The following RCC1L variants were observed in gnomAD, a reference collection of about 807,000 sequenced individuals.
The protein encoded by RCC1L is RCC1 like.
A neutral mutation model predicts 58.6 loss-of-function variants in RCC1L; 46 were observed. The ratio of observed to expected loss-of-function variants is 0.79; its 90% confidence interval spans 0.62 to 1.00. The LOEUF (loss-of-function observed/expected upper bound fraction) is 1.00, where lower values mean the gene tolerates loss of function less well. Ranked by LOEUF, RCC1L falls within the 50% of genes least tolerant of loss-of-function variation. The pLI is 0.00. For synonymous variants in RCC1L, 281 were observed against 262.9 expected (o/e 1.07, Z -0.67); for missense variants, 636 against 623.6 (o/e 1.02, Z -0.21).
chr7:75,071,354 T>A (rs1806721072), intron 1 of RCC1L, among the ~76,000 whole-genome samples: 1 of 152,026 alleles, frequency 6.6e-6, no homozygotes, highest in Non-Finnish European at 1.5e-5. Flanking sequence ...CAAGACACTA[T>A]CTAGCAGCAG....
chr7:75,029,814 C>T (rs1785308224), intron 10 of RCC1L, among the ~76,000 whole-genome samples: 1 of 152,108 alleles, frequency 6.6e-6, no homozygotes, highest in African/African-American at 2.4e-5. Context: ...AGAGAAAAGA[C>T]ATTGGCTTTG....
rs1001834634 is a variant in RCC1L at position 75,064,655 on chromosome 7, A to G, written c.584-7T>C. On this transcript the variant is annotated splice_polypyrimidine_tract_variant and splice_region_variant and intron_variant, in intron 3 of 10. Coordinates refer to ENST00000610322, the MANE Select transcript of RCC1L (RefSeq NM_030798.5). ...TTGTTTCCCATGCTGAAGACTAAAA[A>G]TAACACCACCAATCAAATCAGTTCT... 5 of 1,613,722 alleles carry G rather than the reference A, an allele frequency of 3.1e-6. No homozygotes were observed. The highest frequency in any genetic ancestry group is 3.4e-6 in the Non-Finnish European group (4 of 1,179,748).
At chr7:75,034,215 GAGAA>G (rs1458313463) in intron 10 of RCC1L, among the ~76,000 whole-genome samples, 3 of 152,134 alleles carry the variant, frequency 2.0e-5, no homozygotes, top group Non-Finnish European at 4.4e-5. Flanking sequence ...GAGGACAGCC[GAGAA>G]AGAAAGGTGA....
intron 10 of RCC1L, chr7:75,028,209 T>C: frequency 2.3e-6 from 2 of 854,168 alleles, no homozygotes; most frequent in Non-Finnish European, 3.5e-6. Flanking sequence ...CAACCTCCAC[T>C]TCCTGGGTTC....
Position 75,042,311 on chromosome 7 carries a change from C to G in RCC1L, c.*721G>C. The G allele has an allele frequency of 1.0e-6, 1 of 985,524 alleles. No homozygotes were observed. The highest frequency in any genetic ancestry group is 1.2e-6 in the Non-Finnish European group (1 of 829,960). The allele number at this position is 985,524 out of a possible 1,614,324, so 61.0% of individuals were successfully genotyped here. On this transcript the variant is annotated 3_prime_UTR_variant, in exon 11 of 11. Transcript: ENST00000610322. Reference sequence around the variant, plus strand: ...CAATTTCTGGATCTTCCTCCTCCGCCTGGCACTGCAGCTGAGCCTTGGCGG... The same window carrying G: ...CAATTTCTGGATCTTCCTCCTCCGCGTGGCACTGCAGCTGAGCCTTGGCGG...
At chr7:75,028,697 C>A (rs1367957265) in intron 10 of RCC1L, among the ~76,000 whole-genome samples, 5 of 152,162 alleles carry the variant, frequency 3.3e-5, no homozygotes, top group African/African-American at 1.2e-4. Flanking sequence ...TCGTCCTAAC[C>A]CAGCAAAGAT....
exon 11 of RCC1L, chr7:75,028,024 G>A (rs1805186185): frequency 2.4e-5 from 37 of 1,534,940 alleles, no homozygotes; most frequent in South Asian, 1.8e-4. Context: ...TCCATCCCCC[G>A]GAGGTAATCA....
At chr7:75,037,551 C>T (rs1397382698), downstream of RCC1L, among the ~76,000 whole-genome samples, 15 of 145,928 alleles carry the variant, frequency 1.0e-4, no homozygotes, top group Non-Finnish European at 6.0e-5. Flanking sequence ...GTCTCCCAGG[C>T]TGGAGTGCAG....
intron 3 of RCC1L, among the ~76,000 whole-genome samples, chr7:75,066,403 G>A (rs1225084637): frequency 2.7e-5 from 4 of 150,780 alleles, no homozygotes; most frequent in African/African-American, 9.8e-5. Flanking sequence ...GCAGTGAGCC[G>A]AGATTACACC....
At chr7:75,054,861 T>C (rs1806025440) in intron 9 of RCC1L, among the ~76,000 whole-genome samples, 1 of 152,236 alleles carries the variant, frequency 6.6e-6, no homozygotes. Flanking sequence ...CCAGGAATTC[T>C]CTGGCTTAGT....
At chr7:75,072,153 TAC>T (rs1489312305) in intron 1 of RCC1L, among the ~76,000 whole-genome samples, 14 of 54,288 alleles carry the variant, frequency 2.6e-4, no homozygotes, top group Admixed American at 7.8e-4. Context: ...CATATACATA[TAC>T]ATATACATAT....
At chr7:75,067,373 A>T (rs1554445317) in intron 2 of RCC1L, among the ~76,000 whole-genome samples, 1 of 152,036 alleles carries the variant, frequency 6.6e-6, no homozygotes, top group African/African-American at 2.4e-5. Context: ...TCATGCCTGT[A>T]ATCCCAGCGC....
At chr7:75,048,665 G>C (rs1370086298) in intron 10 of RCC1L, among the ~76,000 whole-genome samples, 6 of 152,234 alleles carry the variant, frequency 3.9e-5, no homozygotes, top group African/African-American at 1.4e-4. Context: ...GGCGCTCCCT[G>C]GGGGATGAGG....
At chr7:75,036,605 C>T (rs1805435080) in intron 10 of RCC1L, among the ~76,000 whole-genome samples, 2 of 152,076 alleles carry the variant, frequency 1.3e-5, no homozygotes, top group East Asian at 1.9e-4. Context: ...CAATATTTTT[C>T]TCCCGGGGCC....
Position 75,042,904 on chromosome 7 carries a change from C to A in RCC1L, c.*128G>T, listed in dbSNP as rs1416048999. ...ACCCGCTAAGGGATTCAGGACAGAG[C>A]GTCACACTGCACGCAGGGTCCTCCG... On this transcript the variant is annotated 3_prime_UTR_variant, in exon 11 of 11. Transcript: ENST00000610322. The A allele has an allele frequency of 1.3e-5, 20 of 1,535,450 alleles. No homozygotes were observed. Among genetic ancestry groups the A allele is most frequent in the Admixed American group, 2.0e-5 (1 of 49,912 alleles).
intron 1 of RCC1L, 86 bp downstream of exon 1, chr7:75,073,328 A>C (rs1806834356): frequency 1.7e-6 from 1 of 604,272 alleles, no homozygotes; most frequent in Non-Finnish European, 2.5e-6. Flanking sequence ...AGAGGAGCCA[A>C]CTTCTTGAAG....
chr7:75,027,690 C>T (rs1055634364), exon 11 of RCC1L: 6 of 363,400 alleles, frequency 1.7e-5, no homozygotes, highest in East Asian at 1.4e-4. Flanking sequence ...AAGCCCGCTC[C>T]GTGGGAGCTG....
chr7:75,061,370 C>T (rs1806274078), intron 5 of RCC1L, 79 bp from the exon 6 acceptor site: 4 of 1,225,828 alleles, frequency 3.3e-6, no homozygotes, highest in Non-Finnish European at 3.6e-6. Flanking sequence ...AGGACCAGCA[C>T]CATCGCCTGC....
Position 75,057,540 on chromosome 7 carries a change from G to C in RCC1L, c.1046C>G (p.Ala349Gly). 1 of 1,613,870 alleles carries C rather than the reference G, an allele frequency of 6.2e-7. No individual in the cohort carries two copies. The highest frequency in any genetic ancestry group is 8.5e-7 in the Non-Finnish European group (1 of 1,179,842). ...RQAACGGTGC[A>G]VLNGEGHVFV... ...AAAGAAGGTCTCACCGTTTAACACT[G>C]CACAGCCCGTGCCACCGCATGCAGC... Residue 349 changes from alanine to glycine, a missense_variant, in exon 8 of 11, where the codon GCA (alanine) becomes GGA (glycine). By Grantham distance (60) the Ala-to-Gly change is moderately conservative. Coordinates refer to ENST00000610322, the MANE Select transcript of RCC1L (RefSeq NM_030798.5).
Sources: allele counts gnomAD v4.1 joint callset (sites outside exome capture counted in the v4.1 genomes callset), GRCh38; gene constraint gnomAD v4.1.1; transcripts MANE v1.5; gene names NCBI Gene and HGNC (gene_info 2026-07-23, HGNC 2026-07-21).